The following ESR2 variants were observed in gnomAD, a reference collection of about 807,000 sequenced individuals.
ESR2 encodes the protein estrogen receptor beta.
ESR2 carries 36 observed loss-of-function variants against 49.6 expected under a neutral mutation model. The ratio of observed to expected loss-of-function variants is 0.73; its 90% CI spans 0.56 to 0.96. The LOEUF (loss-of-function observed/expected upper bound fraction) is 0.96. Ranked by LOEUF, ESR2 falls within the 40% of genes least tolerant of loss-of-function variation. ESR2 has a pLI of 0.00. For missense variants in ESR2, 714 were observed against 693.0 expected, an observed-to-expected ratio of 1.03 and a Z score of -0.34; for synonymous variants, 320 against 266.1, an observed-to-expected ratio of 1.20 and a Z score of -1.97.
At chr14:64,301,334 TGA>T (rs754563598) in intron 1 of ESR2, 1 of 152,234 alleles carries the variant, frequency 6.6e-6, no homozygotes, top group Admixed American at 6.5e-5. Flanking sequence ...TGGGTTCTTC[TGA>T]GAGAGTTACA....
At chr14:64,279,477 C>T (rs1329039094) in intron 3 of ESR2, among the ~76,000 whole-genome samples, 1 of 152,124 alleles carries the variant, frequency 6.6e-6, no homozygotes, top group Non-Finnish European at 1.5e-5. Flanking sequence ...TGAACTGAGA[C>T]CCTCCTAGCC....
At chr14:64,295,886 A>G (rs2076950040), upstream of ESR2, among the ~76,000 whole-genome samples, 2 of 152,076 alleles carry the variant, frequency 1.3e-5, no homozygotes, top group Admixed American at 1.3e-4. Flanking sequence ...TCTACTAAAA[A>G]TACAAAAATT....
intron 7 of ESR2, among the ~76,000 whole-genome samples, chr14:64,248,174 A>G (rs559176884): frequency 6.6e-6 from 1 of 150,398 alleles, no homozygotes; most frequent in African/African-American, 2.4e-5. Flanking sequence ...AGCCTGGGCA[A>G]CAGAGTGACA....
intron 3 of ESR2, among the ~76,000 whole-genome samples, chr14:64,279,116 A>G (rs2076613604): frequency 6.6e-6 from 1 of 152,220 alleles, no homozygotes; most frequent in Non-Finnish European, 1.5e-5. Context: ...TCAATTGCCA[A>G]TCAGAAAATC....
At chr14:64,336,108 C>T (rs779042422) in intron 1 of ESR2, 1 of 151,970 alleles carries the variant, frequency 6.6e-6, no homozygotes, top group Non-Finnish European at 1.5e-5. Context: ...ACCTCGGCCT[C>T]CCAGAGTGCT....
At chr14:64,305,948 C>T (rs997824017) in intron 1 of ESR2, among the ~76,000 whole-genome samples, 5 of 152,012 alleles carry the variant, frequency 3.3e-5, no homozygotes, top group African/African-American at 7.2e-5. Context: ...CGGTGGCTCA[C>T]GCCTGTAATC....
At chr14:64,248,974 T>C (rs1020161909) in intron 7 of ESR2, among the ~76,000 whole-genome samples, 1 of 152,352 alleles carries the variant, frequency 6.6e-6, no homozygotes, top group African/African-American at 2.4e-5. Context: ...AAGTCATACC[T>C]ACTTCCCTCT....
In ESR2 at chr14:64,228,668, T is replaced by C. The variant is rs1443032216; in HGVS notation, c.*4469A>G. ...GAGGAAACAAATGCAAAAACATCCATTGTACAGTTAACAGGAACTGTTCGC... is the reference window on the plus strand; with the variant it reads ...GAGGAAACAAATGCAAAAACATCCACTGTACAGTTAACAGGAACTGTTCGC... On this transcript the variant is annotated 3_prime_UTR_variant, in exon 9 of 9. Transcript: ENST00000341099. 6.6e-6 allele frequency among the ~76,000 whole-genome samples: 1 copy of C among 152,198 alleles called. No individual in the cohort carries two copies. The highest frequency in any genetic ancestry group is 1.5e-5 in the Non-Finnish European group (1 of 68,044).
chr14:64,235,588 T>G (rs1168215712), intron 7 of ESR2, among the ~76,000 whole-genome samples: 2 of 152,226 alleles, frequency 1.3e-5, no homozygotes, highest in Non-Finnish European at 2.9e-5. Flanking sequence ...TGATGAAGCC[T>G]CCTCTGCCAC....
intron 4 of ESR2, among the ~76,000 whole-genome samples, chr14:64,265,109 C>T (rs2076301752): frequency 6.6e-6 from 1 of 152,112 alleles, no homozygotes; most frequent in Non-Finnish European, 1.5e-5. Context: ...CTCAATAAAG[C>T]CCTTGACAAG....
At chr14:64,323,499 C>T (rs1479908703) in intron 1 of ESR2, among the ~76,000 whole-genome samples, 1 of 144,560 alleles carries the variant, frequency 6.9e-6, no homozygotes, top group African/African-American at 2.7e-5. Context: ...AGCCACCATG[C>T]CTGGCCAAGC....
At chr14:64,282,205 C>T (rs375846018) in intron 2 of ESR2, among the ~76,000 whole-genome samples, 4 of 152,088 alleles carry the variant, frequency 2.6e-5, no homozygotes, top group East Asian at 1.9e-4. Context: ...ATGAGCTGGG[C>T]GTGGTGGCAC....
At chr14:64,320,020 G>A (rs1233688165) in intron 1 of ESR2, among the ~76,000 whole-genome samples, 2 of 152,066 alleles carry the variant, frequency 1.3e-5, no homozygotes, top group African/African-American at 2.4e-5. Flanking sequence ...GTCAAAAATT[G>A]GAAGCAACGA....
intron 4 of ESR2, among the ~76,000 whole-genome samples, chr14:64,267,343 T>A (rs1339830138): frequency 6.8e-6 from 1 of 147,836 alleles, no homozygotes; most frequent in Non-Finnish European, 1.5e-5. Context: ...GCGGTGGGAA[T>A]GGAAATGTTT....
chr14:64,278,007 G>C (rs940086378), intron 3 of ESR2, among the ~76,000 whole-genome samples: 1 of 151,672 alleles, frequency 6.6e-6, no homozygotes, highest in East Asian at 1.9e-4. Context: ...CTTTTTAAAA[G>C]ATATGGTTAG....
chr14:64,268,701 A>G, intron 4 of ESR2, 94 bp downstream of exon 4: 1 of 742,604 alleles, frequency 1.3e-6, no homozygotes, highest in South Asian at 1.6e-5. Context: ...TATGTCCCAA[A>G]TCTTCTCTTT....
chr14:64,335,319 G>A (rs981179214), intron 1 of ESR2, among the ~76,000 whole-genome samples: 5 of 152,138 alleles, frequency 3.3e-5, no homozygotes, highest in Non-Finnish European at 1.5e-5. Context: ...AAAGCTATCT[G>A]TCTTAACTTG....
At chr14:64,326,224 A>G (rs1355750719) in intron 1 of ESR2, among the ~76,000 whole-genome samples, 1 of 151,996 alleles carries the variant, frequency 6.6e-6, no homozygotes, top group Non-Finnish European at 1.5e-5. Context: ...CCCCCAACAG[A>G]CTTCTATAAA....
Position 64,260,644 on chromosome 14 carries a change from G to GC in ESR2, c.756dup (p.Pro253AlafsTer24), listed in dbSNP as rs753146864. 16 of 1,608,112 alleles carry GC rather than the reference G, an allele frequency of 9.9e-6. 1 individual carries two copies. The South Asian group carries it at 1.8e-4, about 18-fold the overall frequency. The stretch of plus-strand genomic sequence containing the variant: ...TCCAGCAGCAGCTCCCGCACTCGGG[G>GC]CGCGTGGCCGCCACTTCTCTTGGCC... On this transcript the variant is annotated frameshift_variant, in exon 5 of 9. Transcript: ENST00000341099. LOFTEE classifies it high-confidence loss of function.
Sources: allele counts gnomAD v4.1 joint callset (sites outside exome capture counted in the v4.1 genomes callset), GRCh38; gene constraint gnomAD v4.1.1; transcripts MANE v1.5; gene names NCBI Gene and HGNC (gene_info 2026-07-23, HGNC 2026-07-21).